CYP2B6: variants seen among roughly 807,000 people sequenced by gnomAD.
CYP2B6 encodes cytochrome P450 2B6.
Under a neutral mutation model 43.4 loss-of-function variants are expected in CYP2B6, and 35 were observed. The observed-to-expected ratio is 0.81, with a 90% confidence interval of 0.62 to 1.07. The LOEUF is 1.07. CYP2B6 is among the 50% of genes least tolerant of loss of function. The pLI is 0.00. For synonymous variants in CYP2B6, 239 were observed against 239.2 expected, an observed-to-expected ratio of 1.00 and a Z score of 0.01; for missense variants, 624 against 632.8, an observed-to-expected ratio of 0.99 and a Z score of 0.15.
chr19:41,012,922 T>C (rs559571204), intron 8 of CYP2B6, 107 bp downstream of exon 8: 3 of 1,295,836 alleles, frequency 2.3e-6, no homozygotes, highest in Admixed American at 1.7e-5. Flanking sequence ...TAATATATTC[T>C]GATTGCTTCA....
At chr19:40,994,879 T>G (rs1006059954) in intron 1 of CYP2B6, among the ~76,000 whole-genome samples, 1 of 152,098 alleles carries the variant, frequency 6.6e-6, no homozygotes, top group Admixed American at 6.5e-5. Context: ...AAAAAGCAAG[T>G]GGCAATGATG....
At chr19:41,010,408 G>T (rs867370182) in intron 6 of CYP2B6, among the ~76,000 whole-genome samples, 1 of 146,518 alleles carries the variant, frequency 6.8e-6, no homozygotes, top group Non-Finnish European at 1.5e-5. Flanking sequence ...TTTGTTTTTT[G>T]GTTTTTTTTT....
At chr19:40,995,449 A>G (rs1385240650) in intron 1 of CYP2B6, among the ~76,000 whole-genome samples, 1 of 152,160 alleles carries the variant, frequency 6.6e-6, no homozygotes, top group African/African-American at 2.4e-5. Flanking sequence ...GGTCTCTTCC[A>G]ATGGAGTTCA....
At chr19:41,000,970 C>T (rs1162381161) in intron 1 of CYP2B6, among the ~76,000 whole-genome samples, 3 of 151,976 alleles carry the variant, frequency 2.0e-5, no homozygotes, top group Non-Finnish European at 2.9e-5. Context: ...ACCCAGGAGG[C>T]GGAGTTTGCC....
At chr19:41,013,051 A>G (rs1969309500) in intron 8 of CYP2B6, 1 of 554,540 alleles carries the variant, frequency 1.8e-6, no homozygotes, top group Non-Finnish European at 3.2e-6. Flanking sequence ...TAACATCTCT[A>G]AACCTCAGTG....
intron 1 of CYP2B6, among the ~76,000 whole-genome samples, chr19:41,000,829 G>A (rs118105452): frequency 0.012 from 1,820 of 151,964 alleles, 17 homozygotes; most frequent in Middle Eastern, 0.024. Flanking sequence ...AACTGAGGTC[G>A]GGAGTTCGAG....
At chr19:40,999,515 G>C (rs1969049315) in intron 1 of CYP2B6, among the ~76,000 whole-genome samples, 1 of 152,152 alleles carries the variant, frequency 6.6e-6, no homozygotes, top group African/African-American at 2.4e-5. Flanking sequence ...GTCCTGAATG[G>C]TAATGCCTAG....
intron 1 of CYP2B6, 32 bp downstream of exon 1, chr19:40,991,508 A>G (rs1448776961): frequency 3.7e-6 from 6 of 1,611,116 alleles, no homozygotes; most frequent in Non-Finnish European, 4.2e-6. Flanking sequence ...TCTGAGGGTG[A>G]GCTGCTTCTT....
chr19:41,013,590 G>A (rs1969318415), intron 8 of CYP2B6, among the ~76,000 whole-genome samples: 1 of 151,338 alleles, frequency 6.6e-6, no homozygotes, highest in South Asian at 2.1e-4. Flanking sequence ...ATTGCAGAAG[G>A]AAATAAGACA....
chr19:41,005,817 C>T (rs1233963294), intron 3 of CYP2B6, among the ~76,000 whole-genome samples: 67 of 151,474 alleles, frequency 4.4e-4, no homozygotes, highest in African/African-American at 1.6e-3. Context: ...TAAAGAACGG[C>T]AGGGGGGAGA....
chr19:41,002,345 T>C (rs1342090854), intron 1 of CYP2B6, among the ~76,000 whole-genome samples: 5 of 152,106 alleles, frequency 3.3e-5, no homozygotes, highest in Non-Finnish European at 5.9e-5. Flanking sequence ...GACTTTTATG[T>C]CAAGTTTTTA....
chr19:40,993,559 G>A (rs1265525809), intron 1 of CYP2B6, among the ~76,000 whole-genome samples: 1 of 152,006 alleles, frequency 6.6e-6, no homozygotes, highest in Non-Finnish European at 1.5e-5. Flanking sequence ...GGGGGAAACC[G>A]CCCCCAGGAT....
chr19:40,995,617 A>G (rs1424338445), intron 1 of CYP2B6, among the ~76,000 whole-genome samples: 4 of 152,244 alleles, frequency 2.6e-5, no homozygotes, highest in Non-Finnish European at 4.4e-5. Flanking sequence ...TTATTGAGTC[A>G]TATCAGAGTT....
In CYP2B6 at chr19:40,998,159, T is replaced by C. The variant is rs138285756; in HGVS notation, c.172-5842T>C. Among the ~76,000 whole-genome samples the C allele has an allele frequency of 8.4e-3, 1,276 of 152,056 alleles. 22 individuals are homozygous for C. Among genetic ancestry groups the C allele is most frequent in the African/African-American group, 0.028 (1,163 of 41,440 alleles). ...TAACATTTAGGAACGTGTGTATAGG[T>C]TTAAATGCTGGTCAAAGACATCCTA... On this transcript the variant is annotated intron_variant, in intron 1 of 8. Coordinates refer to ENST00000324071, the MANE Select transcript of CYP2B6 (RefSeq NM_000767.5).
At position 41,012,673 on chromosome 19, in the gene CYP2B6, G is replaced by A. The variant is rs1450196532; in HGVS notation, c.1153-1G>A. ...CTTTTGATCTTGTGATCCTCCCTCA[G>A]GACACAGAAGTATTTCTCATCCTGA... On this transcript the variant is annotated splice_acceptor_variant, in intron 7 of 8. Coordinates refer to ENST00000324071, the MANE Select transcript of CYP2B6 (RefSeq NM_000767.5). LOFTEE classifies it high-confidence loss of function. The A allele has an allele frequency of 6.2e-7, 1 of 1,613,806 alleles. No individual in the cohort carries two copies. Among genetic ancestry groups the A allele is most frequent in the South Asian group, 1.1e-5 (1 of 91,066 alleles).
At chr19:40,993,752 T>C (rs1968958092) in intron 1 of CYP2B6, among the ~76,000 whole-genome samples, 2 of 152,150 alleles carry the variant, frequency 1.3e-5, no homozygotes, top group African/African-American at 4.8e-5. Context: ...ATGTCCTTAG[T>C]GTATTTGTGG....
rs372504569 is a variant in CYP2B6, at chr19:41,015,017, T to C, written c.1295-1629T>C. On this transcript the variant is annotated intron_variant, in intron 8 of 8. Coordinates refer to ENST00000324071, the MANE Select transcript of CYP2B6 (RefSeq NM_000767.5). ...AAAGAAAGAATGAGAGAGAAAGAGA[T>C]TGGGGAGAAATCAGATTCAAATAGA... is the stretch of plus-strand genomic sequence containing the variant. Among the ~76,000 whole-genome samples the C allele has an allele frequency of 8.6e-5, 13 of 150,862 alleles. 1 individual carries two copies. The highest frequency in any genetic ancestry group is 2.9e-4 in the African/African-American group (12 of 41,118).
intron 4 of CYP2B6, chr19:41,007,314 G>A (rs1969207211): frequency 1.9e-6 from 1 of 529,530 alleles, no homozygotes; most frequent in Non-Finnish European, 3.4e-6. Context: ...CTGAGAGAAG[G>A]AAGATGAGCA....
At chr19:40,999,213 T>C in intron 1 of CYP2B6, among the ~76,000 whole-genome samples, 1 of 152,210 alleles carries the variant, frequency 6.6e-6, no homozygotes, top group Middle Eastern at 3.2e-3. Context: ...TTTGGCTGCA[T>C]AAATGTCTTC....
Sources: allele counts gnomAD v4.1 joint callset (sites outside exome capture counted in the v4.1 genomes callset), GRCh38; gene constraint gnomAD v4.1.1; transcripts MANE v1.5; gene names NCBI Gene and HGNC (gene_info 2026-07-23, HGNC 2026-07-21).